NPAS2: variants seen among roughly 807,000 people sequenced by gnomAD.
NPAS2 encodes the protein neuronal PAS domain protein 2.
NPAS2 carries 23 observed loss-of-function variants against 107.5 expected under a neutral mutation model. The observed-to-expected ratio is 0.21, with a 90% CI of 0.15 to 0.30. The LOEUF (loss-of-function observed/expected upper bound fraction) is 0.30. Ranked by LOEUF, NPAS2 falls within the 10% of genes least tolerant of loss-of-function variation. The pLI is 1.00. For synonymous variants in NPAS2, 403 were observed against 417.5 expected (o/e 0.97, Z 0.42); for missense variants, 756 against 1,043.3 (o/e 0.72, Z 3.79).
intron 10 of NPAS2, among the ~76,000 whole-genome samples, chr2:100,967,871 G>C (rs543938536): frequency 6.6e-6 from 1 of 152,224 alleles, no homozygotes; most frequent in Admixed American, 6.5e-5. Flanking sequence ...TCCGTCCAGA[G>C]GTTGCTGGCT....
chr2:100,827,326 G>A (rs936016281), intron 1 of NPAS2, among the ~76,000 whole-genome samples: 5 of 152,192 alleles, frequency 3.3e-5, no homozygotes, highest in East Asian at 1.9e-4. Flanking sequence ...CAGTAGTTAC[G>A]TAAACACTTC....
chr2:100,853,668 G>A (rs1370894628), intron 1 of NPAS2, among the ~76,000 whole-genome samples: 2 of 152,194 alleles, frequency 1.3e-5, no homozygotes, highest in Non-Finnish European at 2.9e-5. Flanking sequence ...GCACCCTTCT[G>A]CTTCTCAAGG....
In NPAS2 at chr2:100,971,161, T is replaced by C. The variant is rs1177176035; in HGVS notation, c.1140+87T>C. ...CAGTCTCTGAAACAAGGGTTTCTTT[T>C]CATCAATGGAAGGGTACAACCAAGC... is the stretch of plus-strand genomic sequence containing the variant. On this transcript the variant is annotated intron_variant, in intron 12 of 20. Transcript: ENST00000335681. 10 of 1,287,398 alleles carry C rather than the reference T, an allele frequency of 7.8e-6. No homozygotes were observed. The African/African-American group carries it at 1.2e-4, about 15-fold the overall frequency. 79.7% of individuals were successfully genotyped at this position (1,287,398 alleles called of 1,614,324 possible).
intron 5 of NPAS2, among the ~76,000 whole-genome samples, chr2:100,938,821 G>T (rs576093605): frequency 6.6e-6 from 1 of 151,986 alleles, no homozygotes; most frequent in Admixed American, 6.6e-5. Context: ...GGAGCAGCAC[G>T]TGTGATGGAC....
chr2:100,938,492 C>T (rs1684476816), intron 5 of NPAS2, among the ~76,000 whole-genome samples: 1 of 133,904 alleles, frequency 7.5e-6, no homozygotes, highest in East Asian at 2.3e-4. Flanking sequence ...CAGGCCCTGA[C>T]AGATGTCCCT....
At chr2:100,979,499 T>G (rs1677280680) in intron 15 of NPAS2, among the ~76,000 whole-genome samples, 1 of 55,536 alleles carries the variant, frequency 1.8e-5, no homozygotes, top group South Asian at 7.9e-4. Context: ...TATATATATA[T>G]ATATTTTTTT....
rs1419886588 is a variant in NPAS2 at position 100,965,600 on chromosome 2, C to T, written c.801-60C>T. On this transcript the variant is annotated intron_variant, in intron 9 of 20. Coordinates refer to ENST00000335681, the MANE Select transcript of NPAS2 (RefSeq NM_002518.4). The surrounding 1 kb of genome is among the most constrained non-coding windows in gnomAD (Gnocchi z 4.3). ...GATCATTATGGAAAGGCATGGCCAC[C>T]AGGGTGAGCCCTGCAGGGTGTCTCC... 2.8e-6 allele frequency: 3 copies of T among 1,088,696 alleles called. No individual in the cohort carries two copies. The highest frequency in any genetic ancestry group is 4.2e-6 in the Non-Finnish European group (3 of 719,396). The allele number at this position is 1,088,696 out of a possible 1,614,324, so 67.4% of individuals were successfully genotyped here.
At position 100,995,444 on chromosome 2, in the gene NPAS2, A is replaced by G; in HGVS notation, c.2337A>G (p.Leu779=). 2 of 1,613,920 alleles carry G rather than the reference A, an allele frequency of 1.2e-6. No homozygotes were observed. Among genetic ancestry groups the G allele is most frequent in the Non-Finnish European group, 1.7e-6 (2 of 1,179,980 alleles). ...TSLHSEQQDS[L]LLSTYSQQPG... The stretch of plus-strand genomic sequence containing the variant: ...TGCACAGTGAGCAGCAGGACTCGCT[A>G]CTTCTCTCCACCTACTCACAACAGC... The change falls in exon 21 of 21, where the codon CTA becomes CTG. Residue 779 remains leucine, a synonymous_variant. Coordinates refer to ENST00000335681, the MANE Select transcript of NPAS2 (RefSeq NM_002518.4).
chr2:100,904,255 A>T (rs759110506), intron 1 of NPAS2, among the ~76,000 whole-genome samples: 15 of 152,110 alleles, frequency 9.9e-5, no homozygotes, highest in Non-Finnish European at 1.8e-4. Flanking sequence ...AGGCACTGGG[A>T]GGTGCGTGCG....
rs3832054 is a variant in NPAS2 at position 100,948,623 on chromosome 2, CT to C, written c.484+277del. Reference sequence around the variant, plus strand: ...ATTTTGTGTATATGATAAGATTTCTCTTTTTTTTTGCATGAGAGTCTTTTAG... The same window carrying C: ...ATTTTGTGTATATGATAAGATTTCTCTTTTTTTTGCATGAGAGTCTTTTAG... On this transcript the variant is annotated intron_variant, in intron 6 of 20. Transcript: ENST00000335681. 5.1e-3 allele frequency among the ~76,000 whole-genome samples: 773 copies of C among 151,602 alleles called. 12 individuals carry two copies. The highest frequency in any genetic ancestry group is 0.051 in the East Asian group (263 of 5,166).
Position 100,938,794 on chromosome 2 carries a change from G to C in NPAS2, c.363+952G>C, listed in dbSNP as rs369165693. 1.5e-3 allele frequency among the ~76,000 whole-genome samples: 224 copies of C among 152,124 alleles called. 1 individual carries two copies. Among genetic ancestry groups the C allele is most frequent in the African/African-American group, 5.1e-3 (213 of 41,500 alleles). On this transcript the variant is annotated intron_variant, in intron 5 of 20. Transcript: ENST00000335681. Reference sequence around the variant, plus strand: ...TTCGATCTGCACACAGCATCATTGTGAATGACAGCTGTACCAGGAGCAGCA... The same window carrying C: ...TTCGATCTGCACACAGCATCATTGTCAATGACAGCTGTACCAGGAGCAGCA...
rs577875424 is a variant in NPAS2 at position 100,976,183 on chromosome 2, G to A, written c.1392+616G>A. ...TGGGGATGGCACTTCTCTGCTCCTT[G>A]GTGTCGGGGATCTCGTGGGCCTAGG... On this transcript the variant is annotated intron_variant, in intron 14 of 20. Transcript: ENST00000335681. This position sits in a 1 kb window ranked among gnomAD's most constrained non-coding sequence, Gnocchi z 4.1. Among the ~76,000 whole-genome samples, 1 of 152,048 alleles carries A rather than the reference G, an allele frequency of 6.6e-6. No homozygotes were observed. The highest frequency in any genetic ancestry group is 1.9e-4 in the East Asian group (1 of 5,168).
At chr2:100,850,011 T>TAAAAAAAAAAAAAAAAAAAAAAAAAAAA (rs58359292) in intron 1 of NPAS2, among the ~76,000 whole-genome samples, 2 of 56,210 alleles carry the variant, frequency 3.6e-5, no homozygotes. Context: ...ACTCTTTTTG[T>TAAAAAAAAAAAAAAAAAAAAAAAAAAAA]AAAAAAAAAA....
Position 100,861,442 on chromosome 2 carries a change from G to A in NPAS2, c.-23+41028G>A, listed in dbSNP as rs144587893. ...ACAGAATTGTGATGGGTGGGATGTC[G>A]GGGAGAACAGAGGTGTCCTTTTCTG... On this transcript the variant is annotated intron_variant, in intron 1 of 20. Transcript: ENST00000335681. Among the ~76,000 whole-genome samples, 220 of 152,116 alleles carry A rather than the reference G, an allele frequency of 1.4e-3. 2 individuals carry two copies. In the East Asian group the frequency reaches 0.019, roughly 13 times the overall value.
At chr2:100,855,922 G>T (rs566706817) in intron 1 of NPAS2, among the ~76,000 whole-genome samples, 9 of 152,298 alleles carry the variant, frequency 5.9e-5, no homozygotes, top group Non-Finnish European at 1.0e-4. Context: ...AATGGGGAAG[G>T]TTAAGGTAAG....
chr2:100,908,919 C>A (rs1444366889), intron 2 of NPAS2, among the ~76,000 whole-genome samples: 6 of 152,184 alleles, frequency 3.9e-5, no homozygotes, highest in Admixed American at 6.5e-5. Context: ...GAAACATCAG[C>A]TAAACAATTT....
intron 2 of NPAS2, among the ~76,000 whole-genome samples, chr2:100,919,885 G>A (rs888901455): frequency 6.6e-6 from 1 of 152,066 alleles, no homozygotes; most frequent in Non-Finnish European, 1.5e-5. Context: ...TTGGCGATTC[G>A]TTGGAACTTC....
intron 5 of NPAS2, among the ~76,000 whole-genome samples, chr2:100,945,882 G>T (rs1374367587): frequency 6.6e-6 from 1 of 152,102 alleles, no homozygotes; most frequent in Non-Finnish European, 1.5e-5. Flanking sequence ...GTGTTCTCCG[G>T]GCACCTTGTT....
At chr2:100,853,400 C>T (rs1458359130) in intron 1 of NPAS2, among the ~76,000 whole-genome samples, 1 of 152,192 alleles carries the variant, frequency 6.6e-6, no homozygotes, top group South Asian at 2.1e-4. Context: ...TCCACAACCC[C>T]CTAAGGAGTA....
Sources: gnomAD v4.1 joint callset for allele counts (sites outside exome capture counted in the v4.1 genomes callset) on GRCh38, gnomAD v4.1.1 for gene constraint, Gnocchi (gnomAD v3.1) non-coding constraint, MANE v1.5 for transcripts, NCBI Gene and HGNC (gene_info 2026-07-23, HGNC 2026-07-21) for gene names.